Variants in RNF175 observed in about 807,000 individuals in gnomAD.
The protein encoded by RNF175 is ring finger protein 175.
A neutral mutation model predicts 50.0 loss-of-function variants in RNF175; 38 were observed. That is an observed-to-expected ratio of 0.76 (90% CI 0.59 to 1.00). The LOEUF is 1.00. Among genes scored for constraint, RNF175 ranks in the 50% least tolerant of loss-of-function variants. RNF175 has a pLI of 0.00. For synonymous variants in RNF175, 155 were observed against 146.1 expected (o/e 1.06, Z -0.44); for missense variants, 388 against 409.6 (o/e 0.95, Z 0.46).
chr4:153,735,910 A>G (rs941765635), intron 3 of RNF175, among the ~76,000 whole-genome samples: 2 of 152,222 alleles, frequency 1.3e-5, no homozygotes, highest in Non-Finnish European at 2.9e-5. Flanking sequence ...GATTTTCCAT[A>G]TAGACAATCA....
intron 5 of RNF175, among the ~76,000 whole-genome samples, chr4:153,722,514 A>G (rs931520564): frequency 6.6e-6 from 1 of 152,286 alleles, no homozygotes; most frequent in East Asian, 1.9e-4. Flanking sequence ...CATGTTGACC[A>G]GGCTGGTCTT....
intron 1 of RNF175, among the ~76,000 whole-genome samples, chr4:153,756,156 A>C (rs776707872): frequency 3.3e-5 from 5 of 152,236 alleles, no homozygotes; most frequent in Non-Finnish European, 7.3e-5. Flanking sequence ...ATACAAAAGT[A>C]AGCTTGCCTC....
At chr4:153,745,072 T>G (rs1429360015) in intron 3 of RNF175, among the ~76,000 whole-genome samples, 1 of 152,166 alleles carries the variant, frequency 6.6e-6, no homozygotes, top group African/African-American at 2.4e-5. Flanking sequence ...GCAAGTTGAG[T>G]CCCTCAGGCT....
chr4:153,754,454 G>T, intron 1 of RNF175, among the ~76,000 whole-genome samples: 1 of 152,156 alleles, frequency 6.6e-6, no homozygotes, highest in East Asian at 1.9e-4. Flanking sequence ...TGAGATGTGT[G>T]GTGGGAGATC....
At chr4:153,748,915 A>C (rs1368797740) in intron 2 of RNF175, 129 bp from the exon 3 acceptor site, 4 of 798,464 alleles carry the variant, frequency 5.0e-6, no homozygotes, top group Non-Finnish European at 5.8e-6. Flanking sequence ...GGGATTTCAA[A>C]TATAAGGGTT....
At chr4:153,712,063 C>T (rs1426470727) in intron 8 of RNF175, among the ~76,000 whole-genome samples, 1 of 152,156 alleles carries the variant, frequency 6.6e-6, no homozygotes, top group Non-Finnish European at 1.5e-5. Context: ...GTTTTCTGTA[C>T]TCTAGTTCAC....
At chr4:153,729,517 T>C (rs554565185) in intron 3 of RNF175, among the ~76,000 whole-genome samples, 34 of 152,332 alleles carry the variant, frequency 2.2e-4, no homozygotes, top group Admixed American at 3.9e-4. Context: ...AAAGAGTCTA[T>C]GGATATATTG....
At chr4:153,756,208 T>C (rs1740554768) in intron 1 of RNF175, among the ~76,000 whole-genome samples, 1 of 152,204 alleles carries the variant, frequency 6.6e-6, no homozygotes, top group South Asian at 2.1e-4. Context: ...TCAGTAGCCA[T>C]GTCCTTTTTA....
At chr4:153,735,878 T>G (rs1311531265) in intron 3 of RNF175, among the ~76,000 whole-genome samples, 1 of 152,240 alleles carries the variant, frequency 6.6e-6, no homozygotes, top group Non-Finnish European at 1.5e-5. Flanking sequence ...ATTATTTCCA[T>G]GAGTTTATGT....
intron 3 of RNF175, among the ~76,000 whole-genome samples, chr4:153,743,556 T>G (rs189041352): frequency 6.6e-6 from 1 of 152,194 alleles, no homozygotes; most frequent in East Asian, 1.9e-4. Context: ...GGGGGCAACT[T>G]TATGCAGGCT....
chr4:153,758,258 T>C (rs1740652498), intron 1 of RNF175, among the ~76,000 whole-genome samples: 2 of 152,224 alleles, frequency 1.3e-5, no homozygotes, highest in African/African-American at 2.4e-5. Flanking sequence ...GATGTGCAAA[T>C]GAATCACCCT....
intron 3 of RNF175, among the ~76,000 whole-genome samples, chr4:153,732,131 C>T (rs560477164): frequency 6.6e-6 from 1 of 152,088 alleles, no homozygotes; most frequent in South Asian, 2.1e-4. Context: ...ACTTGGGTGG[C>T]TGAAGCGTGA....
chr4:153,735,227 A>ATTTT (rs3068858), intron 3 of RNF175, among the ~76,000 whole-genome samples: 3,146 of 141,080 alleles, frequency 0.022, 67 homozygotes, highest in Non-Finnish European at 0.039. Context: ...GTCTGTGTCT[A>ATTTT]TTTTTTTTTT....
At chr4:153,730,833 C>T (rs981843) in intron 3 of RNF175, among the ~76,000 whole-genome samples, 26,721 of 152,088 alleles carry the variant, frequency 0.18, 3,045 homozygotes, top group Non-Finnish European at 0.25. Context: ...AGTTTGGAGC[C>T]ACAGCTGGAC....
At chr4:153,724,669 G>A (rs1738564622) in intron 4 of RNF175, among the ~76,000 whole-genome samples, 1 of 152,094 alleles carries the variant, frequency 6.6e-6, no homozygotes, top group Non-Finnish European at 1.5e-5. Flanking sequence ...ACTAGCATAA[G>A]GTTTCAATAT....
intron 1 of RNF175, 64 bp from the exon 2 acceptor site, chr4:153,751,539 G>T: frequency 8.6e-7 from 1 of 1,157,048 alleles, no homozygotes; most frequent in Non-Finnish European, 1.2e-6. Context: ...TTCTGTGAAA[G>T]CAATATATGG....
At chr4:153,714,976 G>GT (rs1737810977) in intron 7 of RNF175, 1 of 164,430 alleles carries the variant, frequency 6.1e-6, no homozygotes, top group African/African-American at 2.4e-5. Context: ...GCCTGTGGCT[G>GT]TATCTTCTTC....
chr4:153,724,029 G>C (rs11727144), intron 4 of RNF175, among the ~76,000 whole-genome samples: 25,167 of 152,144 alleles, frequency 0.17, 2,500 homozygotes, highest in East Asian at 0.3. Context: ...GAAATGATGA[G>C]AGCCCCAGGC....
At chr4:153,727,067 A>AT (rs1738741989) in intron 4 of RNF175, among the ~76,000 whole-genome samples, 1 of 152,254 alleles carries the variant, frequency 6.6e-6, no homozygotes, top group South Asian at 2.1e-4. Flanking sequence ...TAGGCGAACC[A>AT]TTCTCATGGA....
Sources: allele counts gnomAD v4.1 joint callset (sites outside exome capture counted in the v4.1 genomes callset), GRCh38; gene constraint gnomAD v4.1.1; transcripts MANE v1.5; gene names NCBI Gene and HGNC (gene_info 2026-07-23, HGNC 2026-07-21).